The following CDK6 variants were observed in gnomAD, a reference collection of about 807,000 sequenced individuals.
The protein encoded by CDK6 is cyclin dependent kinase 6.
In CDK6, 6 loss-of-function variants were observed where a neutral mutation model predicts 37.1. That is an observed-to-expected ratio of 0.16 (90% CI 0.09 to 0.32). CDK6 has a LOEUF of 0.32. Among genes scored for constraint, CDK6 ranks in the 10% least tolerant of loss-of-function variants. The probability of loss-of-function intolerance (pLI) is 1.00; values close to 1 mark genes in which losing one functional copy is unlikely to be tolerated. For synonymous variants in CDK6, 160 were observed against 161.3 expected, an observed-to-expected ratio of 0.99 and a Z score of 0.06; for missense variants, 224 against 418.9, an observed-to-expected ratio of 0.53 and a Z score of 4.06.
At chr7:92,681,840 C>G (rs543509770) in intron 4 of CDK6, among the ~76,000 whole-genome samples, 2 of 152,296 alleles carry the variant, frequency 1.3e-5, no homozygotes, top group East Asian at 3.9e-4. Context: ...TCCCCACCCC[C>G]GCTCCAATCC....
At chr7:92,682,080 C>T (rs1227884150) in intron 4 of CDK6, among the ~76,000 whole-genome samples, 2 of 152,170 alleles carry the variant, frequency 1.3e-5, no homozygotes, top group South Asian at 2.1e-4. Context: ...ACAATTCCAT[C>T]GAGAGCATGT....
intron 2 of CDK6, among the ~76,000 whole-genome samples, chr7:92,827,947 G>C (rs978521970): frequency 6.6e-6 from 1 of 152,036 alleles, no homozygotes; most frequent in African/African-American, 2.4e-5. Flanking sequence ...TAATTTTTAA[G>C]TATTATGATG....
chr7:92,824,676 A>G (rs1053185683), intron 2 of CDK6, among the ~76,000 whole-genome samples: 1 of 152,158 alleles, frequency 6.6e-6, no homozygotes, highest in African/African-American at 2.4e-5. Context: ...AGTGCTACCA[A>G]TCAGTAATAC....
intron 5 of CDK6, among the ~76,000 whole-genome samples, chr7:92,651,094 TG>T (rs1796563178): frequency 6.6e-6 from 1 of 152,184 alleles, no homozygotes; most frequent in Admixed American, 6.5e-5. Context: ...TTTACCATGT[TG>T]GCCAGGCTGG....
intron 2 of CDK6, among the ~76,000 whole-genome samples, chr7:92,794,356 G>A (rs955304235): frequency 2.6e-5 from 4 of 152,092 alleles, no homozygotes; most frequent in African/African-American, 7.2e-5. Flanking sequence ...AAATGAGAGA[G>A]CCAGGATTTG....
At chr7:92,746,365 T>G (rs1044121312) in intron 3 of CDK6, among the ~76,000 whole-genome samples, 4 of 152,146 alleles carry the variant, frequency 2.6e-5, no homozygotes, top group Non-Finnish European at 4.4e-5. Context: ...ATCCCTAATC[T>G]GAAAATCCAA....
chr7:92,634,408 CATT>C (rs1271233847), intron 5 of CDK6, among the ~76,000 whole-genome samples: 1 of 152,076 alleles, frequency 6.6e-6, no homozygotes, highest in Non-Finnish European at 1.5e-5. Flanking sequence ...GCTGGTACCA[CATT>C]ATTTTTATTA....
chr7:92,821,722 G>GTT (rs916630149), intron 2 of CDK6, among the ~76,000 whole-genome samples: 4 of 150,128 alleles, frequency 2.7e-5, no homozygotes, highest in South Asian at 2.1e-4. Context: ...TATAAATTAT[G>GTT]TTATATATAT....
At chr7:92,725,457 G>A (rs1038052818) in intron 4 of CDK6, among the ~76,000 whole-genome samples, 169 bp downstream of exon 4, 2 of 152,214 alleles carry the variant, frequency 1.3e-5, no homozygotes, top group South Asian at 2.1e-4. Flanking sequence ...GACTGTAGCT[G>A]TAAGCAGAAT....
intron 2 of CDK6, among the ~76,000 whole-genome samples, chr7:92,805,449 C>G (rs1228575896): frequency 6.6e-6 from 1 of 152,076 alleles, no homozygotes; most frequent in Non-Finnish European, 1.5e-5. Context: ...ATTTTCCCAC[C>G]AAAATGAGTG....
chr7:92,826,722 T>C (rs900837765), intron 2 of CDK6, among the ~76,000 whole-genome samples: 32 of 152,300 alleles, frequency 2.1e-4, no homozygotes, highest in Admixed American at 1.4e-3. Flanking sequence ...CTAAATAGAC[T>C]TCACATGTGT....
At chr7:92,629,390 T>A (rs950509549) in intron 5 of CDK6, among the ~76,000 whole-genome samples, 1 of 150,610 alleles carries the variant, frequency 6.6e-6, no homozygotes, top group South Asian at 2.1e-4. Flanking sequence ...ATGAGTAACT[T>A]CCTCTAGAGA....
intron 4 of CDK6, among the ~76,000 whole-genome samples, chr7:92,687,840 T>C (rs1031205604): frequency 2.6e-5 from 4 of 152,342 alleles, no homozygotes; most frequent in South Asian, 4.1e-4. Flanking sequence ...CCCCTATTTA[T>C]ATAACCATAG....
At chr7:92,688,486 T>C (rs1797516978) in intron 4 of CDK6, among the ~76,000 whole-genome samples, 1 of 152,000 alleles carries the variant, frequency 6.6e-6, no homozygotes, top group South Asian at 2.1e-4. Context: ...AGGCTTTTTT[T>C]CTGACTTTTG....
chr7:92,793,947 A>G (rs1489896516), intron 2 of CDK6, among the ~76,000 whole-genome samples: 1 of 152,100 alleles, frequency 6.6e-6, no homozygotes, highest in Non-Finnish European at 1.5e-5. Context: ...CTGTTTAACA[A>G]TGGTTGCACA....
At chr7:92,727,818 A>G (rs1269985941) in intron 3 of CDK6, among the ~76,000 whole-genome samples, 1 of 152,208 alleles carries the variant, frequency 6.6e-6, no homozygotes, top group Admixed American at 6.5e-5. Flanking sequence ...CTGCAGGTCC[A>G]ATAAGTTGTA....
At chr7:92,755,775 T>C (rs1799302238) in intron 3 of CDK6, among the ~76,000 whole-genome samples, 1 of 152,176 alleles carries the variant, frequency 6.6e-6, no homozygotes, top group African/African-American at 2.4e-5. Flanking sequence ...GGGAACCACA[T>C]GAGATTTATC....
rs942119009 is a variant in CDK6, at chr7:92,833,570, C to T, written c.-247G>A. On this transcript the variant is annotated 5_prime_UTR_variant, in exon 2 of 8. Coordinates refer to ENST00000424848, the MANE Select transcript of CDK6 (RefSeq NM_001145306.2). This position sits in a 1 kb window ranked among gnomAD's most constrained non-coding sequence, Gnocchi z 6.1. The stretch of plus-strand genomic sequence containing the variant: ...CGAAACTCCGCCTGCAGAGTCGCCG[C>T]CGCCGCCGCCGCCGGAGGAGCGAGC... The T allele has an allele frequency of 3.7e-6, 2 of 542,730 alleles. No individual in the cohort carries two copies. The highest frequency in any genetic ancestry group is 4.1e-5 in the African/African-American group (2 of 49,242). The allele number at this position is 542,730 out of a possible 1,614,324, so 33.6% of individuals were successfully genotyped here. A position where few individuals can be genotyped will look rare whatever the true frequency, so the allele number is the denominator to read the frequency against.
Position 92,607,205 on chromosome 7 carries a change from A to C in CDK6, c.*7935T>G, listed in dbSNP as rs1048821685. ...CAGTACTGCCTGTTCCCACTACTCC[A>C]CATGACACCTACGAGGGCACTACAT... is the stretch of plus-strand genomic sequence containing the variant. On this transcript the variant is annotated 3_prime_UTR_variant, in exon 8 of 8. Coordinates refer to ENST00000424848, the MANE Select transcript of CDK6 (RefSeq NM_001145306.2). 3.9e-5 allele frequency: 9 copies of C among 233,548 alleles called. 1 individual carries two copies. The highest frequency in any genetic ancestry group is 1.5e-4 in the African/African-American group (7 of 45,408). 14.5% of individuals were successfully genotyped at this position (233,548 alleles called of 1,614,324 possible). A position where few individuals can be genotyped will look rare whatever the true frequency, so the allele number is the denominator to read the frequency against.
Sources: gnomAD v4.1 joint callset for allele counts (sites outside exome capture counted in the v4.1 genomes callset) on GRCh38, gnomAD v4.1.1 for gene constraint, Gnocchi (gnomAD v3.1) non-coding constraint, MANE v1.5 for transcripts, NCBI Gene and HGNC (gene_info 2026-07-23, HGNC 2026-07-21) for gene names.